The following SGF29 variants were observed in gnomAD, a reference collection of about 807,000 sequenced individuals.
SGF29 encodes SAGA-associated factor 29.
In SGF29, 15 loss-of-function variants were observed where a neutral mutation model predicts 38.1. The observed-to-expected ratio is 0.39, with a 90% CI of 0.26 to 0.61. SGF29 has a LOEUF of 0.61. Ranked by LOEUF, SGF29 falls within the 20% of genes least tolerant of loss-of-function variation. The probability of loss-of-function intolerance (pLI) is 0.49; values close to 1 mark genes in which losing one functional copy is unlikely to be tolerated. For missense variants in SGF29, 184 were observed against 394.6 expected, an observed-to-expected ratio of 0.47 and a Z score of 4.52; for synonymous variants, 151 against 160.8, an observed-to-expected ratio of 0.94 and a Z score of 0.46.
chr16:28,576,949 G>A (rs751406895), intron 1 of SGF29, among the ~76,000 whole-genome samples: 2 of 152,138 alleles, frequency 1.3e-5, no homozygotes, highest in Non-Finnish European at 2.9e-5. Flanking sequence ...GAGGTCAGGC[G>A]TATCACCCAA....
chr16:28,574,645 A>G (rs1191616306), intron 1 of SGF29, among the ~76,000 whole-genome samples: 1 of 152,188 alleles, frequency 6.6e-6, no homozygotes, highest in Non-Finnish European at 1.5e-5. Flanking sequence ...CTTTAGCAGG[A>G]GAGAATAACC....
chr16:28,564,722 TATATAC>T (rs1304852658), intron 1 of SGF29, among the ~76,000 whole-genome samples: 1 of 79,880 alleles, frequency 1.3e-5, no homozygotes, highest in African/African-American at 5.1e-5. Flanking sequence ...TATATGTATA[TATATAC>T]ATATATATGT....
intron 2 of SGF29, among the ~76,000 whole-genome samples, chr16:28,581,918 CAAA>C (rs201203626): frequency 2.2e-5 from 3 of 137,242 alleles, no homozygotes; most frequent in Admixed American, 1.5e-4. Flanking sequence ...GACTCCATCT[CAAA>C]AAAAAAAAAA....
Position 28,553,948 on chromosome 16 carries a change from G to GC in SGF29, c.-165_-164insC, listed in dbSNP as rs1440751375. 1 of 151,844 alleles carries GC rather than the reference G, an allele frequency of 6.6e-6. No individual in the cohort carries two copies. Among genetic ancestry groups the GC allele is most frequent in the Admixed American group, 6.6e-5 (1 of 15,234 alleles). The allele number at this position is 151,844 out of a possible 1,614,324, so 9.4% of individuals were successfully genotyped here. A position where few individuals can be genotyped will look rare whatever the true frequency, so the allele number is the denominator to read the frequency against. On this transcript the variant is annotated 5_prime_UTR_variant, in exon 1 of 10. Transcript: ENST00000317058. ...CCGCGCGCGACTACGCTCATAAAAG[G>GC]AAAAAAAAGCGTGTGCGGTTCTCGA...
At chr16:28,570,695 C>A (rs2046860000) in intron 1 of SGF29, among the ~76,000 whole-genome samples, 1 of 152,008 alleles carries the variant, frequency 6.6e-6, no homozygotes, top group African/African-American at 2.4e-5. Context: ...TCTCCTGCCT[C>A]AGCTTCCTGA....
chr16:28,554,364 G>A (rs1441616142), intron 1 of SGF29, among the ~76,000 whole-genome samples: 1 of 152,174 alleles, frequency 6.6e-6, no homozygotes, highest in Non-Finnish European at 1.5e-5. Flanking sequence ...GTGGGAAACA[G>A]CGACACGCTG....
intron 1 of SGF29, among the ~76,000 whole-genome samples, chr16:28,556,399 T>C (rs2046751527): frequency 6.6e-6 from 1 of 151,676 alleles, no homozygotes; most frequent in Non-Finnish European, 1.5e-5. Context: ...CCAGGCTGGA[T>C]TGCAATGGCG....
chr16:28,569,129 T>C (rs1367903382), intron 1 of SGF29, among the ~76,000 whole-genome samples: 1 of 151,950 alleles, frequency 6.6e-6, no homozygotes, highest in Non-Finnish European at 1.5e-5. Flanking sequence ...GAAATAAAAA[T>C]AAAAGCTTCT....
At chr16:28,562,158 C>G (rs1286329480) in intron 1 of SGF29, among the ~76,000 whole-genome samples, 1 of 152,174 alleles carries the variant, frequency 6.6e-6, no homozygotes, top group Non-Finnish European at 1.5e-5. Flanking sequence ...GCGATTGGCT[C>G]TTTTGCTCAG....
chr16:28,581,787 C>T (rs889757529), intron 2 of SGF29, among the ~76,000 whole-genome samples: 7 of 151,876 alleles, frequency 4.6e-5, no homozygotes, highest in Non-Finnish European at 1.0e-4. Flanking sequence ...GGCTTGGTGG[C>T]GGATGCCTAT....
chr16:28,586,782 G>C lies in SGF29; in HGVS notation c.224+1062G>C, dbSNP rs2046958275. ...GTCATATTAGACGGCACAGGATGCT[G>C]TCTGTGCCATTGGTTAAAGTGGTAT... On this transcript the variant is annotated intron_variant, in intron 4 of 9. Coordinates refer to ENST00000317058, the MANE Select transcript of SGF29 (RefSeq NM_138414.3). 2.0e-5 allele frequency among the ~76,000 whole-genome samples: 3 copies of C among 152,194 alleles called. No individual in the cohort carries two copies. The South Asian group carries it at 6.2e-4, about 31-fold the overall frequency.
rs762810799 is a variant in SGF29 at position 28,591,665 on chromosome 16, CA to C, written c.842del (p.Gln281ArgfsTer?). 1 of 1,614,060 alleles carries C rather than the reference CA, an allele frequency of 6.2e-7. No individual in the cohort carries two copies. The highest frequency in any genetic ancestry group is 1.7e-5 in the Admixed American group (1 of 60,004). On this transcript the variant is annotated frameshift_variant, in exon 10 of 10. Transcript: ENST00000317058. LOFTEE classifies it high-confidence loss of function. ...CTATTCCCCTCCCCTCAATGTGGCTCAGAGATACGTGGTGGCTTGTAAGGAA... is the reference window on the plus strand; with the variant it reads ...CTATTCCCCTCCCCTCAATGTGGCTCGAGATACGTGGTGGCTTGTAAGGAA... ...DGYSPPLNVAQRYVVACKEPK... is the reference protein window; with the variant it reads ...DGYSPPLNVAXRYVVACKEPK...
chr16:28,568,168 C>T (rs754728423), intron 1 of SGF29, among the ~76,000 whole-genome samples: 1 of 151,670 alleles, frequency 6.6e-6, no homozygotes, highest in Non-Finnish European at 1.5e-5. Flanking sequence ...CAAAAATTAG[C>T]CAGGCATGGT....
intron 1 of SGF29, among the ~76,000 whole-genome samples, chr16:28,555,605 A>C (rs2046745605): frequency 6.6e-6 from 1 of 152,240 alleles, no homozygotes; most frequent in African/African-American, 2.4e-5. Flanking sequence ...GGGTGACACT[A>C]TTATAGAGGC....
intron 1 of SGF29, among the ~76,000 whole-genome samples, chr16:28,560,223 C>CAAGAAA (rs1555474259): frequency 7.3e-6 from 1 of 136,538 alleles, no homozygotes; most frequent in East Asian, 2.1e-4. Context: ...GACTCTGACT[C>CAAGAAA]AAAAAAAAAA....
At chr16:28,582,887 A>G (rs942302071) in intron 2 of SGF29, among the ~76,000 whole-genome samples, 18 of 152,326 alleles carry the variant, frequency 1.2e-4, no homozygotes, top group Non-Finnish European at 1.8e-4. Context: ...GTGAGCCAAG[A>G]TCGCACCACT....
intron 3 of SGF29, 154 bp from the exon 4 acceptor site, chr16:28,585,494 C>T: frequency 1.5e-6 from 1 of 678,684 alleles, no homozygotes; most frequent in East Asian, 2.7e-5. Context: ...AGCCTGGGGG[C>T]ATCCGCCTCA....
intron 1 of SGF29, among the ~76,000 whole-genome samples, chr16:28,578,907 A>C (rs1362914782): frequency 2.6e-5 from 4 of 152,100 alleles, no homozygotes; most frequent in Non-Finnish European, 5.9e-5. Flanking sequence ...GCACCGCTGC[A>C]CTCTAGCCTG....
At chr16:28,566,613 AACCTCATCTCTACAAAAATT>A (rs2046837520) in intron 1 of SGF29, among the ~76,000 whole-genome samples, 2 of 151,838 alleles carry the variant, frequency 1.3e-5, no homozygotes, top group Admixed American at 1.3e-4. Context: ...AACATGGTGA[AACCTCATCTCTACAAAAATT>A]ACCTGGGCGT....
Sources: allele counts gnomAD v4.1 joint callset (sites outside exome capture counted in the v4.1 genomes callset), GRCh38; gene constraint gnomAD v4.1.1; transcripts MANE v1.5; gene names NCBI Gene and HGNC (gene_info 2026-07-23, HGNC 2026-07-21).